GRHL1: variants seen among roughly 807,000 people sequenced by gnomAD.
GRHL1 encodes grainyhead-like protein 1 homolog.
GRHL1 carries 38 observed loss-of-function variants against 75.7 expected under a neutral mutation model. That is an observed-to-expected ratio of 0.50 (90% CI 0.39 to 0.66). The LOEUF (loss-of-function observed/expected upper bound fraction) is 0.66. Ranked by LOEUF, GRHL1 falls within the 30% of genes least tolerant of loss-of-function variation. The probability of loss-of-function intolerance (pLI) is 0.00; values close to 1 mark genes in which losing one functional copy is unlikely to be tolerated. For synonymous variants in GRHL1, 266 were observed against 279.4 expected (o/e 0.95, Z 0.48); for missense variants, 589 against 767.5 (o/e 0.77, Z 2.75).
At chr2:9,998,609 T>TAC (rs747125293) in intron 14 of GRHL1, among the ~76,000 whole-genome samples, 1 of 49,280 alleles carries the variant, frequency 2.0e-5, no homozygotes, top group Non-Finnish European at 3.3e-5. Context: ...CATATATATA[T>TAC]ACATATATAT....
At chr2:9,999,366 G>A (rs1347417760) in intron 15 of GRHL1, among the ~76,000 whole-genome samples, 3 of 152,254 alleles carry the variant, frequency 2.0e-5, no homozygotes, top group African/African-American at 7.2e-5. Flanking sequence ...CCTGGCAGCA[G>A]TGCCATGGCT....
rs1491578315 is a variant in GRHL1 at position 9,998,755 on chromosome 2, CGT to C, written c.1678-209_1678-208del. 1.1e-3 allele frequency among the ~76,000 whole-genome samples: 20 copies of C among 17,596 alleles called. 2 individuals are homozygous for C. The highest frequency in any genetic ancestry group is 8.5e-3 in the Admixed American group (10 of 1,182). 11.5% of individuals were successfully genotyped at this position (17,596 alleles called of 152,430 possible). On this transcript the variant is annotated intron_variant, in intron 14 of 15. Transcript: ENST00000324907. The stretch of plus-strand genomic sequence containing the variant: ...ACGTATATATGTACACACATATATA[CGT>C]ATATATATGTACACACATATATACG...
At chr2:9,982,179 A>G (rs78183149) in intron 8 of GRHL1, among the ~76,000 whole-genome samples, 3,993 of 152,304 alleles carry the variant, frequency 0.026, 170 homozygotes, top group African/African-American at 0.09. Context: ...TTTAATGTTA[A>G]AAACTTGCTG....
intron 8 of GRHL1, among the ~76,000 whole-genome samples, chr2:9,972,758 T>C (rs1667780309): frequency 1.3e-5 from 2 of 152,242 alleles, no homozygotes; most frequent in Admixed American, 1.3e-4. Flanking sequence ...ATTGTACTTG[T>C]TTGGAACAAC....
intron 3 of GRHL1, chr2:9,959,636 C>T (rs931212521): frequency 3.9e-5 from 6 of 152,136 alleles, no homozygotes; most frequent in Admixed American, 3.3e-4. Flanking sequence ...TGGGCATTTT[C>T]AAACATAATA....
intron 8 of GRHL1, among the ~76,000 whole-genome samples, chr2:9,970,536 T>C (rs1175358264): frequency 6.6e-5 from 10 of 152,208 alleles, no homozygotes; most frequent in Non-Finnish European, 1.2e-4. Flanking sequence ...GAGATGGAAC[T>C]TCGTCTTTTT....
rs1378245861 is a variant in GRHL1, at chr2:9,954,958, C to T, written c.64C>T (p.Gln22Ter). The T allele has an allele frequency of 6.2e-7, 1 of 1,613,494 alleles. No individual in the cohort carries two copies. The highest frequency in any genetic ancestry group is 8.5e-7 in the Non-Finnish European group (1 of 1,179,590). The change falls in exon 2 of 16, where the codon CAG becomes TAG. Residue 22 changes from glutamine to a stop codon, truncating the protein, a stop_gained. Transcript: ENST00000324907. LOFTEE classifies it high-confidence loss of function. ...TCTTCAGAATGAAGCACTTTATCCA[C>T]AGCGGCGGTCCTACACTAGTGAGGA... is the stretch of plus-strand genomic sequence containing the variant. ...LVLQNEALYP[Q>*]RRSYTSEDEA...
chr2:9,955,572 C>G (rs748171094), intron 2 of GRHL1, among the ~76,000 whole-genome samples: 1 of 152,190 alleles, frequency 6.6e-6, no homozygotes, highest in African/African-American at 2.4e-5. Flanking sequence ...TTGCCTGTTT[C>G]TAGAGATTTG....
At chr2:9,956,398 A>G (rs1324328170) in intron 2 of GRHL1, among the ~76,000 whole-genome samples, 1 of 152,168 alleles carries the variant, frequency 6.6e-6, no homozygotes, top group Non-Finnish European at 1.5e-5. Context: ...ACACATGCCT[A>G]TAGTCTCAGC....
At chr2:9,966,871 C>G (rs1667516587) in intron 8 of GRHL1, among the ~76,000 whole-genome samples, 1 of 152,146 alleles carries the variant, frequency 6.6e-6, no homozygotes, top group African/African-American at 2.4e-5. Flanking sequence ...CCAACCACCT[C>G]AGTCACATAC....
chr2:9,957,443 T>G (rs1667081855), intron 2 of GRHL1, among the ~76,000 whole-genome samples: 1 of 151,692 alleles, frequency 6.6e-6, no homozygotes, highest in South Asian at 2.1e-4. Flanking sequence ...AGAGTCTCGC[T>G]CTGTCGCCCA....
At chr2:9,959,002 C>T in intron 3 of GRHL1, 146 bp downstream of exon 3, 1 of 1,246,154 alleles carries the variant, frequency 8.0e-7, no homozygotes, top group Non-Finnish European at 1.1e-6. Flanking sequence ...CAGATTTCAT[C>T]ACTGATTTGC....
At position 9,998,583 on chromosome 2, in the gene GRHL1, T is replaced by C. The variant is rs549349849; in HGVS notation, c.1678-382T>C. Among the ~76,000 whole-genome samples the C allele has an allele frequency of 2.0e-4, 11 of 54,312 alleles. 3 individuals are homozygous for C. Among genetic ancestry groups the C allele is most frequent in the African/African-American group, 7.6e-4 (9 of 11,816 alleles). The allele number at this position is 54,312 out of a possible 152,430, so 35.6% of individuals were successfully genotyped here. A position where few individuals can be genotyped will look rare whatever the true frequency, so the allele number is the denominator to read the frequency against. ...GTGTACATGTATATATATACATATG[T>C]ACATATATATGTACACATATATATA... On this transcript the variant is annotated intron_variant, in intron 14 of 15. Transcript: ENST00000324907.
intron 8 of GRHL1, among the ~76,000 whole-genome samples, chr2:9,983,139 C>A (rs1228706328): frequency 1.3e-5 from 2 of 152,138 alleles, no homozygotes; most frequent in Non-Finnish European, 2.9e-5. Context: ...GTGTTCTTAC[C>A]TGGGATCCTT....
chr2:9,972,523 A>G (rs1407660743), intron 8 of GRHL1, among the ~76,000 whole-genome samples: 3 of 152,054 alleles, frequency 2.0e-5, no homozygotes, highest in Non-Finnish European at 4.4e-5. Flanking sequence ...AAGACCCTCA[A>G]TCCTTTAGTA....
In GRHL1 at chr2:9,986,234, C is replaced by A; in HGVS notation, c.1221C>A (p.Asn407Lys). ...CCTATAGTTACAACAACCGCAGCAA[C>A]AAGCCTGTGCACCGGGCCTACTGCC... is the stretch of plus-strand genomic sequence containing the variant. The part of the protein sequence containing the change: ...VDTYSYNNRS[N>K]KPVHRAYCQI... The change falls in exon 9 of 16, where the codon AAC becomes AAA. Residue 407 changes from asparagine (N) to lysine (K), a missense_variant. By Grantham distance (94) the Asn-to-Lys change is moderately conservative (BLOSUM62 0). Around this residue, in one of 5 missense-constraint regions of GRHL1, gnomAD observed 30 missense variants for 40.3 expected, o/e 0.74. Coordinates refer to ENST00000324907, the MANE Select transcript of GRHL1 (RefSeq NM_198182.3). 6.2e-7 allele frequency: 1 copy of A among 1,613,848 alleles called. No individual in the cohort carries two copies. The highest frequency in any genetic ancestry group is 8.5e-7 in the Non-Finnish European group (1 of 1,179,884).
At position 9,990,348 on chromosome 2, in the gene GRHL1, A is replaced by C. The variant is rs1056552531; in HGVS notation, c.1270-348A>C. Among the ~76,000 whole-genome samples the C allele has an allele frequency of 2.0e-5, 3 of 150,804 alleles. No homozygotes were observed. The highest frequency in any genetic ancestry group is 4.9e-5 in the African/African-American group (2 of 40,974). ...GTATTTTTAGTAGAGGTGGGGTTTCACCATGTTGGCCAGGCTGGTCTCGAA... is the reference window on the plus strand; with the variant it reads ...GTATTTTTAGTAGAGGTGGGGTTTCCCCATGTTGGCCAGGCTGGTCTCGAA... On this transcript the variant is annotated intron_variant, in intron 9 of 15. Coordinates refer to ENST00000324907, the MANE Select transcript of GRHL1 (RefSeq NM_198182.3). This position sits in a 1 kb window ranked among gnomAD's most constrained non-coding sequence, Gnocchi z 4.2.
intron 8 of GRHL1, among the ~76,000 whole-genome samples, chr2:9,984,024 C>A (rs1330399767): frequency 6.6e-6 from 1 of 151,962 alleles, no homozygotes; most frequent in Non-Finnish European, 1.5e-5. Flanking sequence ...TGTGGTGGTG[C>A]AAGCCTGTAA....
intron 12 of GRHL1, among the ~76,000 whole-genome samples, chr2:9,994,070 A>AC (rs146708943): frequency 0.23 from 34,267 of 151,978 alleles, 4,267 homozygotes; most frequent in African/African-American, 0.34. Context: ...GGCTGACGCT[A>AC]CCCCTCTTTG....
Sources: allele counts gnomAD v4.1 joint callset (sites outside exome capture counted in the v4.1 genomes callset), GRCh38; gene constraint gnomAD v4.1.1; regional missense constraint gnomAD v4.1.1; non-coding constraint Gnocchi (gnomAD v3.1); transcripts MANE v1.5; gene names NCBI Gene and HGNC (gene_info 2026-07-23, HGNC 2026-07-21).